Variants in EXOC4 observed in about 807,000 individuals in gnomAD.
EXOC4 encodes the protein exocyst complex component 4, also known as SEC8-like 1.
A neutral mutation model predicts 107.2 loss-of-function variants in EXOC4; 71 were observed. The observed-to-expected ratio is 0.66, with a 90% CI of 0.55 to 0.81. EXOC4 has a LOEUF of 0.81. Ranked by LOEUF, EXOC4 falls within the 30% of genes least tolerant of loss-of-function variation. EXOC4 has a pLI of 0.00. For synonymous variants in EXOC4, 456 were observed against 441.2 expected (o/e 1.03, Z -0.42); for missense variants, 1,108 against 1,189.6 (o/e 0.93, Z 1.01).
intron 14 of EXOC4, among the ~76,000 whole-genome samples, chr7:133,940,042 T>C (rs1202919426): frequency 1.3e-5 from 2 of 152,222 alleles, no homozygotes; most frequent in African/African-American, 2.4e-5. Flanking sequence ...AGGTAGTTTA[T>C]TTAGTAATGT....
intron 12 of EXOC4, among the ~76,000 whole-genome samples, chr7:133,915,879 A>G (rs1799797724): frequency 6.6e-6 from 1 of 152,244 alleles, no homozygotes; most frequent in South Asian, 2.1e-4. Flanking sequence ...ATAGTGAATT[A>G]GAAGAATTCT....
intron 14 of EXOC4, among the ~76,000 whole-genome samples, chr7:133,976,261 C>T (rs1793830133): frequency 6.6e-6 from 1 of 151,470 alleles, no homozygotes; most frequent in Non-Finnish European, 1.5e-5. Context: ...ACCACTCTAA[C>T]CTCTCTTTTG....
intron 10 of EXOC4, chr7:133,630,348 T>C (rs528946449): frequency 1.9e-6 from 1 of 515,346 alleles, no homozygotes; most frequent in Non-Finnish European, 3.4e-6. Flanking sequence ...GTAAATACTT[T>C]TATTTGATTT....
chr7:133,938,219 C>A (rs1351254445), intron 14 of EXOC4, 150 bp downstream of exon 14: 1 of 741,264 alleles, frequency 1.3e-6, no homozygotes, highest in Non-Finnish European at 2.2e-6. Flanking sequence ...TGTGTTGCAC[C>A]TCTTGTACTT....
chr7:133,899,745 CTTTTTTTTTTTT>C (rs35095963), intron 12 of EXOC4, among the ~76,000 whole-genome samples: 19 of 86,242 alleles, frequency 2.2e-4, no homozygotes, highest in South Asian at 4.0e-4. Context: ...CAGATGTACT[CTTTTTTTTTTTT>C]TTTTTTTTTT....
chr7:133,693,227 C>T (rs1794458321), intron 10 of EXOC4, among the ~76,000 whole-genome samples: 1 of 152,306 alleles, frequency 6.6e-6, no homozygotes, highest in African/African-American at 2.4e-5. Context: ...GGTCCGATAG[C>T]CCCTGGCAAA....
chr7:133,658,603 T>C (rs1234712720), intron 10 of EXOC4, among the ~76,000 whole-genome samples: 2 of 152,110 alleles, frequency 1.3e-5, no homozygotes, highest in Non-Finnish European at 2.9e-5. Flanking sequence ...GGGGTAACGC[T>C]GCAGTTTACA....
intron 9 of EXOC4, among the ~76,000 whole-genome samples, chr7:133,586,973 A>C (rs1031277653): frequency 1.3e-5 from 2 of 151,872 alleles, no homozygotes; most frequent in African/African-American, 4.8e-5. Flanking sequence ...TGGGATTACA[A>C]GTGCACGCCA....
At chr7:133,745,115 C>G (rs1011428519) in intron 10 of EXOC4, among the ~76,000 whole-genome samples, 3 of 152,076 alleles carry the variant, frequency 2.0e-5, no homozygotes, top group Admixed American at 1.3e-4. Context: ...AGGAAAGGTT[C>G]TTTCTACTGC....
At chr7:133,701,255 G>A (rs1794649870) in intron 10 of EXOC4, among the ~76,000 whole-genome samples, 1 of 152,136 alleles carries the variant, frequency 6.6e-6, no homozygotes, top group South Asian at 2.1e-4. Flanking sequence ...TCCACAGAGT[G>A]CAAGAGACTT....
chr7:133,476,269 C>G (rs1382737429), intron 8 of EXOC4, among the ~76,000 whole-genome samples: 2 of 152,044 alleles, frequency 1.3e-5, no homozygotes, highest in African/African-American at 2.4e-5. Context: ...ATTTTTAATA[C>G]TTTTGTACAT....
chr7:133,849,813 T>C (rs1798205321), intron 11 of EXOC4, among the ~76,000 whole-genome samples: 1 of 152,224 alleles, frequency 6.6e-6, no homozygotes, highest in Admixed American at 6.5e-5. Flanking sequence ...TCCAATCTTC[T>C]GCATTCTTAC....
intron 6 of EXOC4, among the ~76,000 whole-genome samples, chr7:133,362,905 C>T (rs1796166017): frequency 6.6e-6 from 1 of 152,098 alleles, no homozygotes; most frequent in Non-Finnish European, 1.5e-5. Flanking sequence ...TTTTATTTTA[C>T]AGAAAAGTCA....
the EXOC4 span, among the ~76,000 whole-genome samples, chr7:134,079,169 TTC>T: frequency 6.6e-6 from 1 of 152,200 alleles, no homozygotes. Flanking sequence ...ACAGACAACA[TTC>T]ATTAGCAAGA....
In EXOC4 at chr7:133,650,339, A is replaced by G. The variant is rs538369106; in HGVS notation, c.1514+20198A>G. ...AAAAGGAAAAAAGGCTTGACGATAAAATGCAGCCAGAGTGTAAATTGTGAA... is the reference window on the plus strand; with the variant it reads ...AAAAGGAAAAAAGGCTTGACGATAAGATGCAGCCAGAGTGTAAATTGTGAA... On this transcript the variant is annotated intron_variant, in intron 10 of 17. Transcript: ENST00000253861. Among the ~76,000 whole-genome samples the G allele has an allele frequency of 2.6e-5, 4 of 152,164 alleles. No individual in the cohort carries two copies. In the East Asian group the frequency reaches 7.7e-4, roughly 29 times the overall value.
chr7:133,635,006 A>G, intron 10 of EXOC4, among the ~76,000 whole-genome samples: 1 of 152,090 alleles, frequency 6.6e-6, no homozygotes, highest in Non-Finnish European at 1.5e-5. Flanking sequence ...ATTCTTATAA[A>G]TGGAATTTAT....
At chr7:133,907,874 G>A (rs1421172262) in intron 12 of EXOC4, among the ~76,000 whole-genome samples, 2 of 151,828 alleles carry the variant, frequency 1.3e-5, no homozygotes, top group Non-Finnish European at 2.9e-5. Context: ...GAAGGAGGGA[G>A]GGAGGGAGAA....
chr7:133,964,727 C>G (rs1801024196), intron 14 of EXOC4, among the ~76,000 whole-genome samples: 1 of 152,260 alleles, frequency 6.6e-6, no homozygotes, highest in Middle Eastern at 3.4e-3. Context: ...TCTAGTCTAT[C>G]ATTGATGGGC....
intron 7 of EXOC4, among the ~76,000 whole-genome samples, chr7:133,381,976 G>T (rs1051190065): frequency 1.3e-5 from 2 of 152,082 alleles, no homozygotes; most frequent in African/African-American, 4.8e-5. Context: ...CTGGGGGCGG[G>T]ACCTTCAGGT....
Sources: allele counts gnomAD v4.1 joint callset (sites outside exome capture counted in the v4.1 genomes callset), GRCh38; gene constraint gnomAD v4.1.1; transcripts MANE v1.5; gene names NCBI Gene and HGNC (gene_info 2026-07-23, HGNC 2026-07-21).